The following CSMD1 variants were observed in gnomAD, a reference collection of about 807,000 sequenced individuals.
CSMD1 encodes CUB and sushi domain-containing protein 1.
Under a neutral mutation model 417.5 loss-of-function variants are expected in CSMD1, and 213 were observed. The observed-to-expected ratio is 0.51, with a 90% CI of 0.46 to 0.57. The LOEUF (loss-of-function observed/expected upper bound fraction) is 0.57. CSMD1 is among the 20% of genes least tolerant of loss of function. The pLI, the probability that CSMD1 is intolerant of heterozygous loss-of-function variation, is 0.00. For missense variants in CSMD1, 6,923 were observed against 4,529.7 expected (o/e 1.53, Z -15.17); for synonymous variants, 2,862 against 1,736.8 (o/e 1.65, Z -16.11).
chr8:3,985,240 G>C (rs1403275748), intron 5 of CSMD1, among the ~76,000 whole-genome samples: 7 of 152,158 alleles, frequency 4.6e-5, no homozygotes, highest in Admixed American at 3.9e-4. Flanking sequence ...ATAAATTGAA[G>C]TCCCATTTCA....
intron 12 of CSMD1, among the ~76,000 whole-genome samples, chr8:3,448,204 T>A (rs1181497750): frequency 6.7e-6 from 1 of 149,374 alleles, no homozygotes; most frequent in Non-Finnish European, 1.5e-5. Context: ...AAAGCCTGTC[T>A]GTGTTTCCTG....
chr8:3,008,233 C>A (rs1477070347), intron 52 of CSMD1, among the ~76,000 whole-genome samples: 2 of 152,162 alleles, frequency 1.3e-5, no homozygotes, highest in Non-Finnish European at 2.9e-5. Flanking sequence ...GGTTTCCCTG[C>A]AAACTACATT....
intron 2 of CSMD1, among the ~76,000 whole-genome samples, chr8:4,533,861 G>A (rs750316286): frequency 1.3e-5 from 2 of 149,792 alleles, no homozygotes; most frequent in Non-Finnish European, 3.0e-5. Flanking sequence ...CCCTTTTGGA[G>A]TGTATGTATG....
Position 4,138,205 on chromosome 8 carries a change from ATTTTTTTT to A in CSMD1, c.416-106114_416-106107del, listed in dbSNP as rs562419797. Among the ~76,000 whole-genome samples, 2 of 69,466 alleles carry A rather than the reference ATTTTTTTT, an allele frequency of 2.9e-5. 1 individual carries two copies. Among genetic ancestry groups the A allele is most frequent in the Admixed American group, 3.4e-4 (2 of 5,886 alleles). The allele number at this position is 69,466 out of a possible 152,430, so 45.6% of individuals were successfully genotyped here. On this transcript the variant is annotated intron_variant, in intron 3 of 69. Coordinates refer to ENST00000635120, the MANE Select transcript of CSMD1 (RefSeq NM_033225.6). ...GCTGGGATTACAGGCGCAGCCTTAC[ATTTTTTTT>A]TTTTTTTTTTTTCAGGTCTCTAACT...
intron 11 of CSMD1, among the ~76,000 whole-genome samples, chr8:3,478,294 T>C (rs957125412): frequency 4.6e-5 from 7 of 152,248 alleles, no homozygotes; most frequent in Non-Finnish European, 8.8e-5. Flanking sequence ...CCAAACCTCT[T>C]GATCTTGCAG....
chr8:4,122,122 G>C lies in CSMD1; in HGVS notation c.416-90023C>G, dbSNP rs1304997478. On this transcript the variant is annotated intron_variant, in intron 3 of 69. Transcript: ENST00000635120. ...TAATATTGTATCGTATAGGATATCA[G>C]AGATACTTACTACATAATGTCGCTA... 2.0e-5 allele frequency among the ~76,000 whole-genome samples: 3 copies of C among 151,958 alleles called. No individual in the cohort carries two copies. In the East Asian group the frequency reaches 5.8e-4, roughly 29 times the overall value.
At chr8:2,997,361 A>T (rs565837089) in intron 54 of CSMD1, among the ~76,000 whole-genome samples, 1 of 152,326 alleles carries the variant, frequency 6.6e-6, no homozygotes, top group Admixed American at 6.5e-5. Context: ...CTCCCGTGGG[A>T]GCCCTAGGAT....
intron 5 of CSMD1, among the ~76,000 whole-genome samples, chr8:3,939,567 G>C (rs1054259327): frequency 6.6e-6 from 1 of 152,108 alleles, no homozygotes; most frequent in Admixed American, 6.6e-5. Context: ...ACATGCACAA[G>C]CATGTTTATA....
At chr8:3,848,017 T>C (rs1803626958) in intron 5 of CSMD1, among the ~76,000 whole-genome samples, 1 of 151,896 alleles carries the variant, frequency 6.6e-6, no homozygotes, top group South Asian at 2.1e-4. Flanking sequence ...GGGCACTTCT[T>C]TCCTGACACA....
At chr8:4,339,110 C>T (rs1021712298) in intron 3 of CSMD1, among the ~76,000 whole-genome samples, 1 of 152,060 alleles carries the variant, frequency 6.6e-6, no homozygotes, top group Non-Finnish European at 1.5e-5. Context: ...AAGAGCTCAT[C>T]TCTGAGGCAG....
intron 5 of CSMD1, among the ~76,000 whole-genome samples, chr8:3,831,999 T>C (rs1304107736): frequency 2.0e-5 from 3 of 152,202 alleles, no homozygotes; most frequent in Admixed American, 6.5e-5. Flanking sequence ...CCACATTTTT[T>C]GGTAAATTTT....
intron 3 of CSMD1, among the ~76,000 whole-genome samples, chr8:4,249,927 T>C (rs952769850): frequency 2.0e-5 from 3 of 152,142 alleles, no homozygotes; most frequent in African/African-American, 7.2e-5. Flanking sequence ...GGGAAGTGTT[T>C]AGGTTATGAG....
intron 3 of CSMD1, among the ~76,000 whole-genome samples, chr8:4,196,311 T>G (rs532343604): frequency 6.6e-6 from 1 of 152,224 alleles, no homozygotes; most frequent in Non-Finnish European, 1.5e-5. Flanking sequence ...GTTCTATCGC[T>G]GCCGTACATT....
intron 10 of CSMD1, among the ~76,000 whole-genome samples, chr8:3,538,901 C>A (rs1426177218): frequency 1.3e-5 from 2 of 152,204 alleles, no homozygotes; most frequent in South Asian, 2.1e-4. Flanking sequence ...GCTTCACCTA[C>A]ACACCATGCT....
intron 5 of CSMD1, among the ~76,000 whole-genome samples, chr8:3,952,495 G>A (rs1334209623): frequency 6.6e-6 from 1 of 152,146 alleles, no homozygotes; most frequent in African/African-American, 2.4e-5. Flanking sequence ...AGTACTAACA[G>A]ATACAAGCCA....
intron 3 of CSMD1, among the ~76,000 whole-genome samples, chr8:4,072,227 G>A (rs775755598): frequency 6.6e-6 from 1 of 152,124 alleles, no homozygotes; most frequent in Non-Finnish European, 1.5e-5. Flanking sequence ...ATCCACAGTT[G>A]CAAGTGAAGA....
intron 7 of CSMD1, among the ~76,000 whole-genome samples, chr8:3,665,518 G>A (rs989020159): frequency 2.6e-5 from 4 of 152,088 alleles, no homozygotes; most frequent in Non-Finnish European, 2.9e-5. Context: ...GACAGAGCGA[G>A]ACTCCATCTC....
At chr8:3,527,556 G>C (rs1797804710) in intron 10 of CSMD1, among the ~76,000 whole-genome samples, 1 of 152,062 alleles carries the variant, frequency 6.6e-6, no homozygotes, top group South Asian at 2.1e-4. Context: ...CACAAGAATT[G>C]ATACCTGTGA....
chr8:4,954,441 A>C (rs916221214), intron 1 of CSMD1, among the ~76,000 whole-genome samples: 1 of 152,184 alleles, frequency 6.6e-6, no homozygotes, highest in African/African-American at 2.4e-5. Flanking sequence ...ACAATTGTAT[A>C]GCTGACACCA....
Sources: allele counts gnomAD v4.1 joint callset (sites outside exome capture counted in the v4.1 genomes callset), GRCh38; gene constraint gnomAD v4.1.1; transcripts MANE v1.5; gene names NCBI Gene and HGNC (gene_info 2026-07-23, HGNC 2026-07-21).